RRM2: variants seen among roughly 807,000 people sequenced by gnomAD.
RRM2 encodes the protein ribonucleotide reductase regulatory subunit M2, also known as ribonucleoside-diphosphate reductase subunit M2.
A neutral mutation model predicts 45.9 loss-of-function variants in RRM2; 6 were observed. The observed-to-expected ratio is 0.13, with a 90% CI of 0.07 to 0.26. RRM2 has a LOEUF of 0.26. Among genes scored for constraint, RRM2 ranks in the 10% least tolerant of loss-of-function variants. RRM2 has a pLI of 1.00. For missense variants in RRM2, 343 were observed against 489.5 expected, an observed-to-expected ratio of 0.70 and a Z score of 2.82; for synonymous variants, 177 against 173.0, an observed-to-expected ratio of 1.02 and a Z score of -0.18.
Position 10,124,836 on chromosome 2 carries a change from A to G in RRM2, c.555A>G (p.Lys185=). 1 of 1,598,814 alleles carries G rather than the reference A, an allele frequency of 6.3e-7. No individual in the cohort carries two copies. The highest frequency in any genetic ancestry group is 8.6e-7 in the Non-Finnish European group (1 of 1,168,590). The stretch of plus-strand genomic sequence containing the variant: ...GTCTTCTTATTGACACTTACATAAA[A>G]GATCCCAAAGAAAGGTGAGTATTCA... ...MYSLLIDTYI[K]DPKEREFLFN... Residue 185 remains lysine, a synonymous_variant, in exon 5 of 10, where the codon AAA becomes AAG. Transcript: ENST00000304567.
At chr2:10,167,554 G>A (rs982102238) in intron 3 of RRM2, among the ~76,000 whole-genome samples, 14 of 152,198 alleles carry the variant, frequency 9.2e-5, no homozygotes, top group African/African-American at 2.9e-4. Context: ...GCTGTGTGTA[G>A]TCCTGGGCCA....
chr2:10,123,661 T>C, intron 3 of RRM2, 75 bp from the exon 4 acceptor site: 1 of 1,408,078 alleles, frequency 7.1e-7, no homozygotes, highest in East Asian at 2.3e-5. Flanking sequence ...ATACTTAAAG[T>C]TTGAGTGCTC....
chr2:10,207,797 G>A lies in RRM2; in HGVS notation n.483-2514G>A, dbSNP rs1198948642. ...CTCATCTGTGACATTGATCACATGA[G>A]CAATTTCACATTTATTCATGTAGTT... On this transcript the variant is annotated intron_variant and non_coding_transcript_variant, in intron 3 of 3. Transcript: ENST00000381786. Among the ~76,000 whole-genome samples the A allele has an allele frequency of 2.6e-5, 4 of 152,076 alleles. No homozygotes were observed. The East Asian group carries it at 7.7e-4, about 29-fold the overall frequency.
chr2:10,192,211 T>G (rs899228426), intron 3 of RRM2, among the ~76,000 whole-genome samples: 2 of 152,202 alleles, frequency 1.3e-5, no homozygotes, highest in Non-Finnish European at 2.9e-5. Flanking sequence ...TTTCTCAGCC[T>G]GGGGACTGAC....
intron 3 of RRM2, among the ~76,000 whole-genome samples, chr2:10,166,502 G>T (rs11890927): frequency 6.6e-6 from 1 of 152,072 alleles, no homozygotes; most frequent in Non-Finnish European, 1.5e-5. Context: ...GCTCCCTGCT[G>T]TCTGCGTCCG....
intron 3 of RRM2, among the ~76,000 whole-genome samples, chr2:10,156,570 A>G (rs1663430955): frequency 6.6e-6 from 1 of 152,204 alleles, no homozygotes; most frequent in Non-Finnish European, 1.5e-5. Flanking sequence ...CAGAGGTGCA[A>G]AAGCTAGGCC....
intron 3 of RRM2, among the ~76,000 whole-genome samples, chr2:10,190,486 TGGG>T: frequency 6.9e-6 from 1 of 144,852 alleles, no homozygotes; most frequent in Admixed American, 6.9e-5. Context: ...GTGGCGATGG[TGGG>T]GTTGGTGGTG....
intron 3 of RRM2, among the ~76,000 whole-genome samples, chr2:10,145,206 G>C (rs1663164022): frequency 6.6e-6 from 1 of 152,192 alleles, no homozygotes; most frequent in African/African-American, 2.4e-5. Flanking sequence ...TGGGCCAGGT[G>C]GGTGGGTAGA....
At chr2:10,186,877 G>A (rs4550641) in intron 3 of RRM2, among the ~76,000 whole-genome samples, 47,143 of 152,140 alleles carry the variant, frequency 0.31, 9,094 homozygotes, top group Non-Finnish European at 0.44. Flanking sequence ...TTGGGGACAC[G>A]TCTTCTGTGC....
At chr2:10,177,586 T>C (rs1023020682) in intron 3 of RRM2, among the ~76,000 whole-genome samples, 7 of 152,200 alleles carry the variant, frequency 4.6e-5, no homozygotes, top group African/African-American at 1.7e-4. Flanking sequence ...CTACACACTT[T>C]TATCACCTGC....
chr2:10,192,184 AG>A (rs1194792577), intron 3 of RRM2, among the ~76,000 whole-genome samples: 1 of 152,174 alleles, frequency 6.6e-6, no homozygotes, highest in African/African-American at 2.4e-5. Context: ...GGGAGGTAAA[AG>A]CTGTTCAGCC....
At chr2:10,151,028 T>C (rs1438788915) in intron 3 of RRM2, among the ~76,000 whole-genome samples, 1 of 152,174 alleles carries the variant, frequency 6.6e-6, no homozygotes, top group Admixed American at 6.5e-5. Flanking sequence ...TTGGCCAGGC[T>C]GGTCTCAAAC....
chr2:10,135,508 G>A (rs1054209848), downstream of RRM2, among the ~76,000 whole-genome samples: 8 of 152,086 alleles, frequency 5.3e-5, no homozygotes, highest in East Asian at 1.9e-4. Flanking sequence ...GCATGCGTGC[G>A]GGTGTGGGAT....
intron 3 of RRM2, among the ~76,000 whole-genome samples, chr2:10,190,733 G>A (rs112691065): frequency 1.7e-4 from 1 of 5,902 alleles, no homozygotes; most frequent in Non-Finnish European, 4.8e-4. Flanking sequence ...TGATCTTGGC[G>A]GTGATGGTGG....
rs1425097055 is a variant in RRM2, at chr2:10,122,781, C to T, written c.-18C>T. 2.5e-6 allele frequency: 4 copies of T among 1,572,580 alleles called. No homozygotes were observed. The highest frequency in any genetic ancestry group is 3.4e-6 in the Non-Finnish European group (4 of 1,159,964). On this transcript the variant is annotated 5_prime_UTR_variant, in exon 1 of 10. Coordinates refer to ENST00000304567, the MANE Select transcript of RRM2 (RefSeq NM_001034.4). ...CGTCCTGTCCTGGCTGCTCGCTCTGCTTCGCTGCGCCTCCACTATGCTCTC... is the reference window on the plus strand; with the variant it reads ...CGTCCTGTCCTGGCTGCTCGCTCTGTTTCGCTGCGCCTCCACTATGCTCTC...
At chr2:10,153,315 C>CA (rs1220632237) in intron 3 of RRM2, among the ~76,000 whole-genome samples, 3 of 152,142 alleles carry the variant, frequency 2.0e-5, no homozygotes, top group African/African-American at 7.2e-5. Flanking sequence ...GCCTGGGTGA[C>CA]AGAGTGAGGC....
chr2:10,161,896 G>A (rs969166879), intron 3 of RRM2, among the ~76,000 whole-genome samples: 12 of 152,232 alleles, frequency 7.9e-5, no homozygotes, highest in Admixed American at 7.9e-4. Context: ...TGGAAGCCCA[G>A]TGAGGCGCTC....
At position 10,204,662 on chromosome 2, in the gene RRM2, C is replaced by G. The variant is rs975871392; in HGVS notation, n.483-5649C>G. Among the ~76,000 whole-genome samples the G allele has an allele frequency of 1.3e-5, 2 of 152,244 alleles. No individual in the cohort carries two copies. The highest frequency in any genetic ancestry group is 2.1e-4 in the South Asian group (1 of 4,834). On this transcript the variant is annotated intron_variant and non_coding_transcript_variant, in intron 3 of 3. Coordinates refer to the RRM2 transcript ENST00000381786. The surrounding 1 kb of genome is among the most constrained non-coding windows in gnomAD (Gnocchi z 4.0). ...CTAATGCATCGGCGCCCCATTGATT[C>G]TGCCTGGCTTTTGTGAACACGTCTG...
At chr2:10,144,052 C>G (rs887651962) in intron 3 of RRM2, among the ~76,000 whole-genome samples, 2 of 152,244 alleles carry the variant, frequency 1.3e-5, no homozygotes, top group African/African-American at 4.8e-5. Flanking sequence ...GAATGCATGT[C>G]CGCTCTGCCA....
Sources: allele counts gnomAD v4.1 joint callset (sites outside exome capture counted in the v4.1 genomes callset), GRCh38; gene constraint gnomAD v4.1.1; non-coding constraint Gnocchi (gnomAD v3.1); transcripts MANE v1.5; gene names NCBI Gene and HGNC (gene_info 2026-07-23, HGNC 2026-07-21).